CNTNAP5: variants seen among roughly 807,000 people sequenced by gnomAD.
The protein encoded by CNTNAP5 is contactin associated protein family member 5.
A neutral mutation model predicts 150.2 loss-of-function variants in CNTNAP5; 72 were observed. The ratio of observed to expected loss-of-function variants is 0.48; its 90% confidence interval spans 0.40 to 0.58. The LOEUF (loss-of-function observed/expected upper bound fraction) is 0.58. Among genes scored for constraint, CNTNAP5 ranks in the 20% least tolerant of loss-of-function variants. The pLI is 0.00. For synonymous variants in CNTNAP5, 672 were observed against 619.8 expected (o/e 1.08, Z -1.25); for missense variants, 1,636 against 1,626.2 (o/e 1.01, Z -0.10).
chr2:124,782,505 C>T (rs1681474430), intron 17 of CNTNAP5, among the ~76,000 whole-genome samples: 1 of 152,128 alleles, frequency 6.6e-6, no homozygotes, highest in Non-Finnish European at 1.5e-5. Context: ...AGGCTTCAGA[C>T]CAACCACAAG....
At chr2:124,457,451 C>G (rs140781393) in intron 6 of CNTNAP5, among the ~76,000 whole-genome samples, 2 of 152,090 alleles carry the variant, frequency 1.3e-5, no homozygotes, top group African/African-American at 4.8e-5. Context: ...ACAATGAACT[C>G]AAATTAGCAA....
chr2:124,145,836 A>AAAAAAAAG (rs1558773988), intron 1 of CNTNAP5, among the ~76,000 whole-genome samples: 82 of 75,760 alleles, frequency 1.1e-3, no homozygotes, highest in Non-Finnish European at 1.4e-3. Flanking sequence ...AAAGAAGAAA[A>AAAAAAAAG]AAAAAAAAAA....
chr2:124,325,631 A>G (rs1002463017), intron 3 of CNTNAP5, among the ~76,000 whole-genome samples: 2 of 152,204 alleles, frequency 1.3e-5, no homozygotes, highest in Admixed American at 1.3e-4. Flanking sequence ...GAACTCATTA[A>G]CATAATTTAA....
At chr2:124,103,341 T>A (rs951685359) in intron 1 of CNTNAP5, among the ~76,000 whole-genome samples, 1 of 152,118 alleles carries the variant, frequency 6.6e-6, no homozygotes, top group Non-Finnish European at 1.5e-5. Flanking sequence ...AATAATTTTT[T>A]AAAATAAGTG....
At chr2:124,585,329 T>G (rs1443086843) in intron 11 of CNTNAP5, among the ~76,000 whole-genome samples, 1 of 152,174 alleles carries the variant, frequency 6.6e-6, no homozygotes, top group Non-Finnish European at 1.5e-5. Context: ...CAGTTTTTAC[T>G]TGAGCAACAC....
intron 19 of CNTNAP5, among the ~76,000 whole-genome samples, chr2:124,831,883 A>C (rs903917948): frequency 2.0e-5 from 3 of 152,042 alleles, no homozygotes; most frequent in African/African-American, 4.8e-5. Flanking sequence ...TCATCATTTA[A>C]ATTTATTTCC....
At chr2:124,902,163 T>A (rs1482870655) in intron 21 of CNTNAP5, among the ~76,000 whole-genome samples, 1 of 152,170 alleles carries the variant, frequency 6.6e-6, no homozygotes, top group Non-Finnish European at 1.5e-5. Context: ...TACTGAGTAA[T>A]CTTACCACCA....
At chr2:124,901,769 G>A (rs1234967334) in intron 21 of CNTNAP5, among the ~76,000 whole-genome samples, 7 of 152,126 alleles carry the variant, frequency 4.6e-5, no homozygotes, top group African/African-American at 1.7e-4. Flanking sequence ...GAGATGATAA[G>A]TTGGCTCAGT....
At chr2:124,030,923 T>C (rs1214720935) in intron 1 of CNTNAP5, among the ~76,000 whole-genome samples, 2 of 152,118 alleles carry the variant, frequency 1.3e-5, no homozygotes, top group African/African-American at 2.4e-5. Context: ...AATTAACTAG[T>C]AGTTATGAAT....
intron 1 of CNTNAP5, among the ~76,000 whole-genome samples, chr2:124,130,297 C>T (rs1031428955): frequency 1.3e-5 from 2 of 151,946 alleles, no homozygotes; most frequent in East Asian, 1.9e-4. Context: ...ATCACAGACT[C>T]CTATATCTTG....
chr2:124,475,866 A>G (rs1693627833), intron 7 of CNTNAP5, among the ~76,000 whole-genome samples: 1 of 152,094 alleles, frequency 6.6e-6, no homozygotes, highest in Admixed American at 6.6e-5. Flanking sequence ...TAATTGGTCT[A>G]TTTAGCAAAT....
intron 19 of CNTNAP5, among the ~76,000 whole-genome samples, chr2:124,819,063 G>C (rs1429363457): frequency 6.6e-6 from 1 of 152,078 alleles, no homozygotes; most frequent in Non-Finnish European, 1.5e-5. Flanking sequence ...GGAACCCAAG[G>C]AGTGGGGCTT....
intron 3 of CNTNAP5, among the ~76,000 whole-genome samples, chr2:124,326,882 T>G (rs1466787337): frequency 2.0e-5 from 3 of 151,256 alleles, no homozygotes; most frequent in Admixed American, 6.6e-5. Flanking sequence ...GGTGAGGAGA[T>G]CACTTGATCC....
chr2:124,277,281 C>CT (rs1687905703), intron 3 of CNTNAP5, among the ~76,000 whole-genome samples: 1 of 152,158 alleles, frequency 6.6e-6, no homozygotes, highest in Non-Finnish European at 1.5e-5. Context: ...TCTCATTTTC[C>CT]TTATACCTGA....
intron 12 of CNTNAP5, among the ~76,000 whole-genome samples, chr2:124,637,563 G>T (rs745644795): frequency 1.2e-4 from 19 of 152,286 alleles, no homozygotes; most frequent in Non-Finnish European, 2.4e-4. Context: ...ACCAGTGAGT[G>T]AGTTATCTGT....
intron 1 of CNTNAP5, among the ~76,000 whole-genome samples, chr2:124,036,907 A>C (rs1257477959): frequency 1.3e-5 from 2 of 152,208 alleles, no homozygotes; most frequent in African/African-American, 2.4e-5. Context: ...CATACTTTGA[A>C]AAATTTTATC....
intron 6 of CNTNAP5, among the ~76,000 whole-genome samples, chr2:124,451,049 A>ATATATATATAT (rs1220088749): frequency 1.8e-4 from 13 of 73,678 alleles, no homozygotes; most frequent in African/African-American, 7.3e-4. Context: ...AAAAAAAAAA[A>ATATATATATAT]AAATATATAT....
At chr2:124,079,926 C>T (rs1682523257) in intron 1 of CNTNAP5, among the ~76,000 whole-genome samples, 1 of 152,162 alleles carries the variant, frequency 6.6e-6, no homozygotes, top group Non-Finnish European at 1.5e-5. Flanking sequence ...TGGCTAACCT[C>T]AAGGGCTGTT....
chr2:124,459,345 G>A lies in CNTNAP5; in HGVS notation c.918+12408G>A, dbSNP rs375177756. Among the ~76,000 whole-genome samples the A allele has an allele frequency of 6.6e-5, 10 of 152,230 alleles. No homozygotes were observed. The East Asian group carries it at 7.8e-4, about 12-fold the overall frequency. On this transcript the variant is annotated intron_variant, in intron 6 of 23. Transcript: ENST00000682447. ...ATCATTTGCCTCCCTACCCCTGTGG[G>A]AGGCCACCATGTTTCTCATCACCTC... is the stretch of plus-strand genomic sequence containing the variant.
Sources: allele counts gnomAD v4.1 joint callset (sites outside exome capture counted in the v4.1 genomes callset), GRCh38; gene constraint gnomAD v4.1.1; transcripts MANE v1.5; gene names NCBI Gene and HGNC (gene_info 2026-07-23, HGNC 2026-07-21).